Variants in SMARCA2 observed in about 807,000 individuals in gnomAD.
SMARCA2 encodes the protein SWI/SNF related BAF chromatin remodeling complex subunit ATPase 2.
In SMARCA2, 61 loss-of-function variants were observed where a neutral mutation model predicts 199.8. The observed-to-expected ratio is 0.31, with a 90% CI of 0.25 to 0.38. SMARCA2 has a LOEUF of 0.38. Ranked by LOEUF, SMARCA2 falls within the 10% of genes least tolerant of loss-of-function variation. The pLI is 1.00. For synonymous variants in SMARCA2, 935 were observed against 732.0 expected, an observed-to-expected ratio of 1.28 and a Z score of -4.48; for missense variants, 1,344 against 2,012.2, an observed-to-expected ratio of 0.67 and a Z score of 6.35.
chr9:2,020,370 G>A (rs1056202695), intron 1 of SMARCA2, among the ~76,000 whole-genome samples: 4 of 152,026 alleles, frequency 2.6e-5, no homozygotes, highest in African/African-American at 9.7e-5. Context: ...ACCTTTAGCC[G>A]GTTAATAAAG....
At chr9:2,031,564 A>C (rs1819073083) in intron 2 of SMARCA2, among the ~76,000 whole-genome samples, 1 of 152,080 alleles carries the variant, frequency 6.6e-6, no homozygotes. Context: ...TTTCTCCTGG[A>C]TTGTTTTTAT....
chr9:2,040,297 A>T (rs1176417203), intron 4 of SMARCA2: 1 of 333,010 alleles, frequency 3.0e-6, no homozygotes, highest in Non-Finnish European at 5.4e-6. Context: ...TAATTTGTTG[A>T]TTTGTTTATT....
intron 9 of SMARCA2, among the ~76,000 whole-genome samples, chr9:2,070,086 A>T (rs1489820510): frequency 6.6e-6 from 1 of 152,048 alleles, no homozygotes; most frequent in Non-Finnish European, 1.5e-5. Flanking sequence ...ATATCTTCCC[A>T]CTCCCAAACA....
intron 28 of SMARCA2, chr9:2,162,631 G>A (rs969045210): frequency 1.3e-5 from 2 of 152,136 alleles, no homozygotes; most frequent in African/African-American, 4.8e-5. Flanking sequence ...ATTATCACGT[G>A]GTAATGTTTT....
intron 19 of SMARCA2, among the ~76,000 whole-genome samples, chr9:2,090,261 T>C (rs1427280898): frequency 1.3e-5 from 2 of 152,222 alleles, no homozygotes; most frequent in Non-Finnish European, 2.9e-5. Flanking sequence ...AGTATGTCTC[T>C]TGCATAAAGT....
chr9:2,179,904 C>T (rs1429489876), intron 29 of SMARCA2, among the ~76,000 whole-genome samples: 2 of 152,176 alleles, frequency 1.3e-5, no homozygotes, highest in Non-Finnish European at 2.9e-5. Context: ...AAATTACTCT[C>T]ACTGCATTTC....
In SMARCA2 at chr9:2,123,583, C is replaced by A; in HGVS notation, c.3763-136C>A. 2.6e-6 allele frequency: 2 copies of A among 765,662 alleles called. No homozygotes were observed. Among genetic ancestry groups the A allele is most frequent in the Non-Finnish European group, 2.3e-6 (1 of 441,216 alleles). The allele number at this position is 765,662 out of a possible 1,614,324, so 47.4% of individuals were successfully genotyped here. ...CTAGATATTTAGGGATGAGCTAGAACAAGCCAACCAGGATGAGAGAGGTTG... is the reference window on the plus strand; with the variant it reads ...CTAGATATTTAGGGATGAGCTAGAAAAAGCCAACCAGGATGAGAGAGGTTG... On this transcript the variant is annotated intron_variant, in intron 26 of 33. Coordinates refer to ENST00000349721, the MANE Select transcript of SMARCA2 (RefSeq NM_003070.5). This position sits in a 1 kb window ranked among gnomAD's most constrained non-coding sequence, Gnocchi z 4.1.
At chr9:2,151,969 A>G (rs1181399642) in intron 27 of SMARCA2, among the ~76,000 whole-genome samples, 2 of 151,748 alleles carry the variant, frequency 1.3e-5, no homozygotes. Context: ...AATCCTGCTT[A>G]GTGTGACTAG....
intron 1 of SMARCA2, among the ~76,000 whole-genome samples, chr9:2,028,101 G>A (rs924920948): frequency 2.0e-5 from 3 of 151,236 alleles, no homozygotes; most frequent in Non-Finnish European, 2.9e-5. Flanking sequence ...CACCTCATCT[G>A]TGGTGAGCTC....
chr9:2,070,376 T>C (rs1423703007), intron 9 of SMARCA2, 42 bp from the exon 10 acceptor site: 1 of 1,560,508 alleles, frequency 6.4e-7, no homozygotes. Flanking sequence ...CTGTACCCCA[T>C]CATCTTGGTT....
chr9:2,179,321 C>G (rs551580596), intron 29 of SMARCA2, among the ~76,000 whole-genome samples: 3 of 152,340 alleles, frequency 2.0e-5, no homozygotes, highest in East Asian at 1.9e-4. Flanking sequence ...CAACATATCC[C>G]AAGAAGTCTT....
chr9:2,116,129 A>T (rs1021288367), intron 25 of SMARCA2, 80 bp downstream of exon 25: 2 of 1,062,232 alleles, frequency 1.9e-6, no homozygotes, highest in Non-Finnish European at 2.8e-6. Context: ...CCCTTTGTTT[A>T]AAAAACTTCC....
intron 27 of SMARCA2, among the ~76,000 whole-genome samples, chr9:2,152,365 C>T (rs947024659): frequency 6.6e-6 from 1 of 151,236 alleles, no homozygotes; most frequent in African/African-American, 2.4e-5. Context: ...ACCAGTCTGG[C>T]CAACACGATG....
intron 29 of SMARCA2, among the ~76,000 whole-genome samples, chr9:2,178,394 G>A (rs1383926542): frequency 6.6e-6 from 1 of 152,108 alleles, no homozygotes; most frequent in Non-Finnish European, 1.5e-5. Flanking sequence ...TCTCATTTTT[G>A]TCTGGGAAGT....
chr9:2,052,712 G>GT (rs1820178685), intron 5 of SMARCA2, among the ~76,000 whole-genome samples: 1 of 152,000 alleles, frequency 6.6e-6, no homozygotes, highest in Admixed American at 6.5e-5. Flanking sequence ...GCAACTGTAG[G>GT]TTTTTTAAAA....
intron 26 of SMARCA2, among the ~76,000 whole-genome samples, chr9:2,120,773 C>T (rs1431401310): frequency 2.6e-5 from 4 of 152,110 alleles, no homozygotes; most frequent in African/African-American, 4.8e-5. Flanking sequence ...TTTCTCCCTC[C>T]GTCCCCGAAA....
At chr9:2,058,111 A>C (rs1369054918) in intron 7 of SMARCA2, 180 bp from the exon 8 acceptor site, 1 of 586,500 alleles carries the variant, frequency 1.7e-6, no homozygotes, top group Admixed American at 2.9e-5. Flanking sequence ...TATCTTTCCC[A>C]CCAGCCCCAT....
At chr9:2,042,929 G>A (rs936617267) in intron 4 of SMARCA2, 1 of 152,188 alleles carries the variant, frequency 6.6e-6, no homozygotes, top group African/African-American at 2.4e-5. Context: ...CAGCATTGCT[G>A]AACTTGTCCC....
intron 27 of SMARCA2, among the ~76,000 whole-genome samples, chr9:2,135,338 T>C (rs1824146865): frequency 6.6e-6 from 1 of 152,166 alleles, no homozygotes; most frequent in Non-Finnish European, 1.5e-5. Flanking sequence ...AGTATGTAGA[T>C]TAAAATGCAA....
Sources: allele counts gnomAD v4.1 joint callset (sites outside exome capture counted in the v4.1 genomes callset), GRCh38; gene constraint gnomAD v4.1.1; non-coding constraint Gnocchi (gnomAD v3.1); transcripts MANE v1.5; gene names NCBI Gene and HGNC (gene_info 2026-07-23, HGNC 2026-07-21).